LRRC49: variants seen among roughly 807,000 people sequenced by gnomAD.
LRRC49 encodes the protein leucine-rich repeat-containing protein 49.
A neutral mutation model predicts 83.3 loss-of-function variants in LRRC49; 50 were observed. That is an observed-to-expected ratio of 0.60 (90% CI 0.48 to 0.76). The LOEUF (loss-of-function observed/expected upper bound fraction) is 0.76, where lower values mean the gene tolerates loss of function less well. LRRC49 is among the 30% of genes least tolerant of loss of function. The probability of loss-of-function intolerance (pLI) is 0.00; values close to 1 mark genes in which losing one functional copy is unlikely to be tolerated. For missense variants in LRRC49, 704 were observed against 809.1 expected, an observed-to-expected ratio of 0.87 and a Z score of 1.58; for synonymous variants, 286 against 283.3, an observed-to-expected ratio of 1.01 and a Z score of -0.10.
intron 11 of LRRC49, among the ~76,000 whole-genome samples, chr15:70,996,651 A>G (rs1201446386): frequency 6.6e-6 from 1 of 152,132 alleles, no homozygotes; most frequent in Non-Finnish European, 1.5e-5. Flanking sequence ...CCAAAACTAT[A>G]TATCTATAGT....
chr15:70,981,642 T>C (rs143057631), intron 10 of LRRC49, among the ~76,000 whole-genome samples: 49 of 152,244 alleles, frequency 3.2e-4, no homozygotes, highest in African/African-American at 1.1e-3. Flanking sequence ...AAAGTGAAAC[T>C]TATGGCATAT....
At chr15:70,988,950 T>C (rs1208513325) in intron 11 of LRRC49, among the ~76,000 whole-genome samples, 3 of 152,232 alleles carry the variant, frequency 2.0e-5, no homozygotes, top group South Asian at 4.1e-4. Flanking sequence ...TCTTTAAGAA[T>C]GTTGAATATT....
At chr15:71,009,463 T>G (rs2038576144) in intron 12 of LRRC49, 1 of 163,690 alleles carries the variant, frequency 6.1e-6, no homozygotes, top group Non-Finnish European at 1.3e-5. Context: ...TAAAAAAATT[T>G]ATTTAATGTC....
At chr15:70,883,127 C>T (rs1443345052) in intron 2 of LRRC49, among the ~76,000 whole-genome samples, 1 of 152,038 alleles carries the variant, frequency 6.6e-6, no homozygotes, top group Non-Finnish European at 1.5e-5. Context: ...TCTGGTCAGC[C>T]AGAATGCATA....
At chr15:70,864,294 T>G (rs562391116) in intron 1 of LRRC49, among the ~76,000 whole-genome samples, 35 of 152,224 alleles carry the variant, frequency 2.3e-4, no homozygotes, top group African/African-American at 8.4e-4. Flanking sequence ...CAGCAAGAAC[T>G]TGGTGCCTAA....
At chr15:70,993,316 C>A (rs965932207) in intron 11 of LRRC49, among the ~76,000 whole-genome samples, 1 of 152,210 alleles carries the variant, frequency 6.6e-6, no homozygotes. Context: ...AATTCCCTGA[C>A]CCTTTGCCCT....
chr15:70,853,632 C>T (rs1373883160), intron 1 of LRRC49: 2 of 303,660 alleles, frequency 6.6e-6, no homozygotes, highest in Non-Finnish European at 1.2e-5. Flanking sequence ...CCCTGAACAT[C>T]CCCACGTCCA....
chr15:71,033,243 G>A (rs971425463), intron 14 of LRRC49, among the ~76,000 whole-genome samples: 2 of 152,130 alleles, frequency 1.3e-5, no homozygotes, highest in South Asian at 4.1e-4. Flanking sequence ...CCCAAATCAT[G>A]AATGGACTCC....
chr15:70,901,048 CT>C (rs768201534), intron 4 of LRRC49, 24 bp downstream of exon 4: 64 of 1,448,738 alleles, frequency 4.4e-5, no homozygotes, highest in South Asian at 1.9e-4. Flanking sequence ...CTTTTCTTTT[CT>C]TTTTTTTGAC....
At chr15:71,043,289 C>T (rs972117662) in intron 15 of LRRC49, among the ~76,000 whole-genome samples, 2 of 152,206 alleles carry the variant, frequency 1.3e-5, no homozygotes, top group Admixed American at 6.5e-5. Context: ...ACAAACCCCA[C>T]TGTTGACCTT....
intron 14 of LRRC49, among the ~76,000 whole-genome samples, chr15:71,021,347 T>A (rs567364905): frequency 2.0e-5 from 3 of 152,336 alleles, no homozygotes; most frequent in African/African-American, 7.2e-5. Flanking sequence ...TTAATGTTGT[T>A]CATGTTGTAA....
chr15:70,974,720 T>TAA (rs1343976655), intron 9 of LRRC49, among the ~76,000 whole-genome samples: 4 of 129,178 alleles, frequency 3.1e-5, no homozygotes, highest in East Asian at 2.2e-4. Flanking sequence ...CAAAGCATTG[T>TAA]AAAAAAAAAA....
At chr15:71,013,212 C>T (rs1237702583) in intron 14 of LRRC49, among the ~76,000 whole-genome samples, 1 of 152,010 alleles carries the variant, frequency 6.6e-6, no homozygotes, top group East Asian at 1.9e-4. Flanking sequence ...GAAGGCTTCA[C>T]AAAGGAGAAA....
rs191917376 is a variant in LRRC49, at chr15:70,871,428, C to T, written c.-298-1480C>T. 2.0e-3 allele frequency among the ~76,000 whole-genome samples: 298 copies of T among 152,342 alleles called. 1 individual carries two copies. Among genetic ancestry groups the T allele is most frequent in the Middle Eastern group, 0.017 (5 of 294 alleles). On this transcript the variant is annotated intron_variant, in intron 1 of 16. Transcript: ENST00000544974. ...TCCCCCCTCTCTACTCGACAAAACC[C>T]CCATCGTCATCATGGCCCGCTCTCA... is the stretch of plus-strand genomic sequence containing the variant.
intron 11 of LRRC49, among the ~76,000 whole-genome samples, chr15:70,992,228 T>G (rs920499935): frequency 1.3e-5 from 2 of 152,114 alleles, no homozygotes; most frequent in African/African-American, 4.8e-5. Flanking sequence ...TTTCTCAAGG[T>G]TTTTAGCTTG....
At chr15:71,039,146 T>C (rs558544541) in intron 15 of LRRC49, among the ~76,000 whole-genome samples, 5 of 152,008 alleles carry the variant, frequency 3.3e-5, no homozygotes, top group African/African-American at 1.2e-4. Context: ...ACAGTGCAAA[T>C]AAGGCATAGA....
At chr15:70,937,267 G>A (rs111959648) in intron 8 of LRRC49, among the ~76,000 whole-genome samples, 5,406 of 152,222 alleles carry the variant, frequency 0.036, 149 homozygotes, top group Middle Eastern at 0.061. Flanking sequence ...TTCTAACTTA[G>A]TATCTCTGCT....
chr15:70,929,094 A>T (rs1473081477), intron 7 of LRRC49, among the ~76,000 whole-genome samples: 1 of 152,102 alleles, frequency 6.6e-6, no homozygotes, highest in Non-Finnish European at 1.5e-5. Context: ...TCCTCAATTT[A>T]TCTAATTTGA....
chr15:70,968,772 A>G (rs935829320), intron 9 of LRRC49, among the ~76,000 whole-genome samples: 3 of 152,156 alleles, frequency 2.0e-5, no homozygotes, highest in African/African-American at 7.2e-5. Flanking sequence ...TGGCTACATA[A>G]ATGTCTTCTT....
Sources: gnomAD v4.1 joint callset for allele counts (sites outside exome capture counted in the v4.1 genomes callset) on GRCh38, gnomAD v4.1.1 for gene constraint, MANE v1.5 for transcripts, NCBI Gene and HGNC (gene_info 2026-07-23, HGNC 2026-07-21) for gene names.